The following TMEM260 variants were observed in gnomAD, a reference collection of about 807,000 sequenced individuals.
TMEM260 encodes protein O-mannosyl-transferase TMEM260.
TMEM260 carries 82 observed loss-of-function variants against 88.9 expected under a neutral mutation model. The observed-to-expected ratio is 0.92, with a 90% CI of 0.77 to 1.11. The LOEUF is 1.11. Ranked by LOEUF, TMEM260 falls within the 50% of genes least tolerant of loss-of-function variation. The pLI, the probability that TMEM260 is intolerant of heterozygous loss-of-function variation, is 0.00. For synonymous variants in TMEM260, 314 were observed against 309.3 expected (o/e 1.02, Z -0.16); for missense variants, 902 against 853.4 (o/e 1.06, Z -0.71).
chr14:56,579,668 T>G, upstream of TMEM260: 3 of 385,816 alleles, frequency 7.8e-6, no homozygotes, highest in East Asian at 3.7e-5. Context: ...TTAAATCACA[T>G]TATAAGTAGG....
intron 1 of TMEM260, 82 bp from the exon 2 acceptor site, chr14:56,584,919 A>G (rs1479561195): frequency 1.6e-5 from 18 of 1,149,294 alleles, no homozygotes; most frequent in Non-Finnish European, 2.2e-5. Context: ...CAAAACCCCA[A>G]TGCAAGCATT....
chr14:56,650,810 A>G (rs988268795), downstream of TMEM260, among the ~76,000 whole-genome samples: 8 of 152,184 alleles, frequency 5.3e-5, no homozygotes, highest in Non-Finnish European at 7.4e-5. Flanking sequence ...CATAGTTCTC[A>G]TCAATATCCC....
intron 5 of TMEM260, among the ~76,000 whole-genome samples, chr14:56,606,685 A>G (rs1417493356): frequency 6.6e-6 from 1 of 152,198 alleles, no homozygotes; most frequent in Non-Finnish European, 1.5e-5. Flanking sequence ...TGAGCTCAGG[A>G]GTTCGAGACC....
rs749998387 is a variant in TMEM260 at position 56,605,662 on chromosome 14, C to T, written c.615C>T (p.Leu205=). ...LYVLCIIPWI[L]FQLLKKKELS... ...TTTTGTGCATAATACCTTGGATTCT[C>T]TTTCAACTTTTAAAAAAGAAGGTAC... The change falls in exon 5 of 16, where the codon CTC becomes CTT. Residue 205 remains leucine (L), a synonymous_variant. Coordinates refer to ENST00000261556, the MANE Select transcript of TMEM260 (RefSeq NM_017799.4). 2.3e-5 allele frequency: 36 copies of T among 1,572,118 alleles called. No homozygotes were observed. Among genetic ancestry groups the T allele is most frequent in the Non-Finnish European group, 2.8e-5 (33 of 1,160,652 alleles).
chr14:56,622,302 C>T (rs1217225883), intron 11 of TMEM260, among the ~76,000 whole-genome samples: 1 of 130,634 alleles, frequency 7.7e-6, no homozygotes, highest in South Asian at 2.4e-4. Context: ...GAGATCGTGT[C>T]ACTGCACTCC....
Position 56,580,092 on chromosome 14 carries a change from TTGCCCCTTC to T in TMEM260, c.160+21_160+29del, listed in dbSNP as rs1238594574. On this transcript the variant is annotated intron_variant, in intron 1 of 15. Coordinates refer to ENST00000261556, the MANE Select transcript of TMEM260 (RefSeq NM_017799.4). ...AGACTCCGGTAAAGTACTCGCAGGG[TTGCCCCTTC>T]TGTCCCTCTCCCCTGGTCCCAGAAC... 1 of 1,249,462 alleles carries T rather than the reference TTGCCCCTTC, an allele frequency of 8.0e-7. No homozygotes were observed. The highest frequency in any genetic ancestry group is 1.0e-6 in the Non-Finnish European group (1 of 989,120). 77.4% of individuals were successfully genotyped at this position (1,249,462 alleles called of 1,614,324 possible).
intron 1 of TMEM260, among the ~76,000 whole-genome samples, chr14:56,581,163 C>CT (rs1211234478): frequency 6.6e-6 from 1 of 152,156 alleles, no homozygotes; most frequent in Non-Finnish European, 1.5e-5. Context: ...TCTGACAGCT[C>CT]TGTCATTTTG....
At chr14:56,637,940 G>A (rs1480818487) in intron 15 of TMEM260, among the ~76,000 whole-genome samples, 1 of 152,146 alleles carries the variant, frequency 6.6e-6, no homozygotes, top group Non-Finnish European at 1.5e-5. Context: ...TGCTGTGAGA[G>A]GCACACAAGG....
At chr14:56,643,832 A>G (rs1294079804) in intron 15 of TMEM260, among the ~76,000 whole-genome samples, 2 of 152,318 alleles carry the variant, frequency 1.3e-5, no homozygotes, top group South Asian at 4.1e-4. Context: ...CAAAATCAGC[A>G]TGCACAAATC....
At chr14:56,616,358 G>T (rs1470705748) in intron 8 of TMEM260, 1 of 178,636 alleles carries the variant, frequency 5.6e-6, no homozygotes, top group Non-Finnish European at 1.2e-5. Context: ...GATGATAAAA[G>T]TGATCCGATG....
At position 56,621,711 on chromosome 14, in the gene TMEM260, A is replaced by G; in HGVS notation, c.1398+9A>G. The G allele has an allele frequency of 6.3e-7, 1 of 1,594,496 alleles. No individual in the cohort carries two copies. The highest frequency in any genetic ancestry group is 1.2e-5 in the South Asian group (1 of 86,914). ...CATTAGTGGATCAGGAAGTAAGTAT[A>G]TGAAAAATATACTTAGAATATAGCG... On this transcript the variant is annotated intron_variant, in intron 11 of 15. Transcript: ENST00000261556.
chr14:56,633,145 C>A lies in TMEM260; in HGVS notation c.1698C>A (p.Ile566=), dbSNP rs1888748006. The A allele has an allele frequency of 6.2e-7, 1 of 1,612,794 alleles. No homozygotes were observed. Among genetic ancestry groups the A allele is most frequent in the East Asian group, 2.2e-5 (1 of 44,828 alleles). Residue 566 remains isoleucine, a synonymous_variant, in exon 13 of 16, where the codon ATC becomes ATA. Transcript: ENST00000261556. ...AATGGATTAAACTTACAAAAAGTAT[C>A]TATAACTGGACCGAAGAATATGGAA... ...PEEWIKLTKS[I]YNWTEEYGRF... is the part of the protein sequence containing the mutation.
At chr14:56,605,505 T>C in intron 4 of TMEM260, 65 bp from the exon 5 acceptor site, 1 of 896,794 alleles carries the variant, frequency 1.1e-6, no homozygotes, top group Non-Finnish European at 1.7e-6. Flanking sequence ...AAAATGGCTT[T>C]TTATTATGTT....
intron 1 of TMEM260, among the ~76,000 whole-genome samples, chr14:56,580,596 G>A (rs1380788154): frequency 6.6e-6 from 1 of 152,162 alleles, no homozygotes; most frequent in Non-Finnish European, 1.5e-5. Context: ...TGACTATTCA[G>A]GAAAGACCTC....
chr14:56,585,740 CTG>C lies in TMEM260; in HGVS notation c.193-19_193-18del, dbSNP rs1566524924. The C allele has an allele frequency of 1.2e-6, 2 of 1,608,896 alleles. No individual in the cohort carries two copies. Among genetic ancestry groups the C allele is most frequent in the Non-Finnish European group, 8.5e-7 (1 of 1,177,818 alleles). On this transcript the variant is annotated intron_variant, in intron 2 of 15. Transcript: ENST00000261556. The stretch of plus-strand genomic sequence containing the variant: ...CCTTTCCTAGATGAAAACCTTCTAA[CTG>C]TTGCTAATTTTTCCGTAGGTTGCCC...
At chr14:56,633,313 AAAC>A (rs1173591032) in intron 13 of TMEM260, 142 bp downstream of exon 13, 1 of 613,904 alleles carries the variant, frequency 1.6e-6, no homozygotes. Context: ...AAATACCATA[AAAC>A]AACAGAAAGA....
At position 56,609,285 on chromosome 14, in the gene TMEM260, G is replaced by C; in HGVS notation, c.816G>C (p.Leu272=). The C allele has an allele frequency of 6.2e-7, 1 of 1,612,854 alleles. No homozygotes were observed. The highest frequency in any genetic ancestry group is 8.5e-7 in the Non-Finnish European group (1 of 1,179,284). The change falls in exon 6 of 16, where the codon CTG becomes CTC. Residue 272 remains leucine, a splice_region_variant and synonymous_variant. Coordinates refer to ENST00000261556, the MANE Select transcript of TMEM260 (RefSeq NM_017799.4). ...FLREEYGTFS[L]AKSEIGSSMS... is the part of the protein sequence containing the mutation. ...GGGAAGAATATGGAACCTTCAGCCT[G>C]GTAAATTCAGATTTAAAGCCCTTCT...
intron 12 of TMEM260, among the ~76,000 whole-genome samples, chr14:56,632,143 G>GCTCT (rs535508762): frequency 1.2e-3 from 179 of 152,296 alleles, no homozygotes; most frequent in African/African-American, 4.0e-3. Flanking sequence ...TTATGGCATT[G>GCTCT]CTCTCTGCAT....
chr14:56,612,881 A>G (rs1235021501), intron 7 of TMEM260: 1 of 152,118 alleles, frequency 6.6e-6, no homozygotes, highest in Non-Finnish European at 1.5e-5. Context: ...TAGAACTAAA[A>G]TGTTTCAACC....
Sources: gnomAD v4.1 joint callset for allele counts (sites outside exome capture counted in the v4.1 genomes callset) on GRCh38, gnomAD v4.1.1 for gene constraint, MANE v1.5 for transcripts, NCBI Gene and HGNC (gene_info 2026-07-23, HGNC 2026-07-21) for gene names.